The following ASTN2 variants were observed in gnomAD, a reference collection of about 807,000 sequenced individuals.
ASTN2 encodes astrotactin-2.
Under a neutral mutation model 139.8 loss-of-function variants are expected in ASTN2, and 54 were observed. That is an observed-to-expected ratio of 0.39 (90% CI 0.31 to 0.48). The LOEUF (loss-of-function observed/expected upper bound fraction) is 0.48, where lower values mean the gene tolerates loss of function less well. Ranked by LOEUF, ASTN2 falls within the 20% of genes least tolerant of loss-of-function variation. ASTN2 has a pLI of 0.95. For synonymous variants in ASTN2, 756 were observed against 719.5 expected, an observed-to-expected ratio of 1.05 and a Z score of -0.81; for missense variants, 1,565 against 1,725.1, an observed-to-expected ratio of 0.91 and a Z score of 1.64.
chr9:116,683,161 A>G (rs1431673701), intron 16 of ASTN2, among the ~76,000 whole-genome samples: 1 of 152,100 alleles, frequency 6.6e-6, no homozygotes, highest in Non-Finnish European at 1.5e-5. Flanking sequence ...AATCAGCTAT[A>G]AAATTTAACA....
At chr9:116,547,862 T>C (rs746434054) in intron 19 of ASTN2, among the ~76,000 whole-genome samples, 6 of 152,062 alleles carry the variant, frequency 3.9e-5, no homozygotes, top group Non-Finnish European at 8.8e-5. Context: ...AGGTTCTGTG[T>C]CCCATTCCCT....
intron 16 of ASTN2, chr9:116,701,243 G>T (rs1323896914): frequency 1.2e-5 from 2 of 167,014 alleles, no homozygotes; most frequent in Non-Finnish European, 2.9e-5. Context: ...TCTTTGGATT[G>T]TATCATAATA....
chr9:117,090,788 G>A (rs1828687017), intron 5 of ASTN2, among the ~76,000 whole-genome samples: 1 of 152,210 alleles, frequency 6.6e-6, no homozygotes, highest in Admixed American at 6.5e-5. Context: ...TCACAGCCAG[G>A]TCTGGCTGAA....
intron 19 of ASTN2, among the ~76,000 whole-genome samples, chr9:116,617,626 T>G (rs918552276): frequency 6.6e-6 from 1 of 152,196 alleles, no homozygotes; most frequent in Admixed American, 6.5e-5. Flanking sequence ...AGGATTAAGA[T>G]GCTGAACAAA....
At chr9:116,775,116 G>C (rs528992616) in intron 13 of ASTN2, among the ~76,000 whole-genome samples, 1 of 152,182 alleles carries the variant, frequency 6.6e-6, no homozygotes, top group East Asian at 1.9e-4. Context: ...TGGGATTCAG[G>C]TCGGAAAAGA....
chr9:117,326,929 A>C (rs1025571752), intron 1 of ASTN2, among the ~76,000 whole-genome samples: 2 of 152,180 alleles, frequency 1.3e-5, no homozygotes, highest in Non-Finnish European at 2.9e-5. Flanking sequence ...TTAAATCCTC[A>C]AGGACGTAGA....
intron 13 of ASTN2, among the ~76,000 whole-genome samples, chr9:116,755,815 G>A (rs908106344): frequency 6.6e-6 from 1 of 152,330 alleles, no homozygotes; most frequent in African/African-American, 2.4e-5. Flanking sequence ...GGGAAACAGA[G>A]GAATATCTGA....
rs189309787 is a variant in ASTN2 at position 116,823,929 on chromosome 9, T to C, written c.2041-3146A>G. ...TCGTTTGAAATTACTTGTATATTAT[T>C]AGTATTTCAATTAGTTTGTTGCTTA... On this transcript the variant is annotated intron_variant, in intron 11 of 22. Coordinates refer to ENST00000313400, the MANE Select transcript of ASTN2 (RefSeq NM_001365068.1). 8.6e-4 allele frequency among the ~76,000 whole-genome samples: 131 copies of C among 152,322 alleles called. 2 individuals are homozygous for C. The highest frequency in any genetic ancestry group is 7.8e-3 in the Admixed American group (119 of 15,302).
At chr9:116,506,084 T>C (rs1165159159) in intron 19 of ASTN2, among the ~76,000 whole-genome samples, 1 of 152,196 alleles carries the variant, frequency 6.6e-6, no homozygotes, top group East Asian at 1.9e-4. Context: ...CAACCCTCTG[T>C]ACCGGGAACA....
At chr9:116,922,171 C>G (rs1834631508) in intron 10 of ASTN2, among the ~76,000 whole-genome samples, 1 of 152,194 alleles carries the variant, frequency 6.6e-6, no homozygotes, top group African/African-American at 2.4e-5. Flanking sequence ...CTATGCATTA[C>G]TAAGTCAAAA....
At chr9:117,273,958 T>C (rs977837849) in intron 2 of ASTN2, among the ~76,000 whole-genome samples, 3 of 152,186 alleles carry the variant, frequency 2.0e-5, no homozygotes, top group Non-Finnish European at 2.9e-5. Flanking sequence ...ATCTTCACCT[T>C]CTGAGGAGTA....
intron 10 of ASTN2, among the ~76,000 whole-genome samples, chr9:116,915,504 GT>G (rs1339813424): frequency 5.9e-5 from 9 of 152,146 alleles, no homozygotes; most frequent in Admixed American, 2.0e-4. Flanking sequence ...ATGGGAGCTG[GT>G]CACCAGAAAG....
At chr9:116,737,930 C>T (rs894916387) in intron 13 of ASTN2, among the ~76,000 whole-genome samples, 5 of 152,008 alleles carry the variant, frequency 3.3e-5, no homozygotes, top group Non-Finnish European at 7.4e-5. Flanking sequence ...CGGTGGCTCA[C>T]GCCTGTAATC....
chr9:116,626,394 T>C (rs1437397283), intron 17 of ASTN2, among the ~76,000 whole-genome samples: 1 of 151,898 alleles, frequency 6.6e-6, no homozygotes, highest in East Asian at 1.9e-4. Flanking sequence ...TTAAATATGT[T>C]ATAAACATAC....
At chr9:116,688,724 C>T (rs376526398) in intron 16 of ASTN2, among the ~76,000 whole-genome samples, 12 of 152,162 alleles carry the variant, frequency 7.9e-5, no homozygotes, top group African/African-American at 2.9e-4. Flanking sequence ...TTCCCTGTAC[C>T]CCCAAGCTAC....
intron 11 of ASTN2, among the ~76,000 whole-genome samples, chr9:116,840,656 T>C (rs1832213162): frequency 2.6e-5 from 2 of 76,634 alleles, no homozygotes; most frequent in African/African-American, 4.1e-5. Context: ...TCCTCACTTC[T>C]CAGACGGGGC....
At chr9:117,263,896 G>A (rs1001068919) in intron 2 of ASTN2, among the ~76,000 whole-genome samples, 1 of 152,106 alleles carries the variant, frequency 6.6e-6, no homozygotes, top group Non-Finnish European at 1.5e-5. Context: ...GCTAGGCACA[G>A]TGGCTCATGC....
chr9:116,441,027 A>G (rs1847825057), intron 21 of ASTN2, among the ~76,000 whole-genome samples: 1 of 152,210 alleles, frequency 6.6e-6, no homozygotes, highest in Non-Finnish European at 1.5e-5. Context: ...TAAATTAAAG[A>G]GTGGATACAA....
chr9:117,253,594 C>T (rs76485491), intron 2 of ASTN2, among the ~76,000 whole-genome samples: 4,601 of 152,246 alleles, frequency 0.03, 238 homozygotes, highest in African/African-American at 0.11. Flanking sequence ...CTTTGCCTGT[C>T]CCCACCATTC....
Sources: allele counts gnomAD v4.1 joint callset (sites outside exome capture counted in the v4.1 genomes callset), GRCh38; gene constraint gnomAD v4.1.1; transcripts MANE v1.5; gene names NCBI Gene and HGNC (gene_info 2026-07-23, HGNC 2026-07-21).